The following CTNNA3 variants were observed in gnomAD, a reference collection of about 807,000 sequenced individuals.
CTNNA3 encodes the protein catenin alpha-3.
A neutral mutation model predicts 95.7 loss-of-function variants in CTNNA3; 76 were observed. That is an observed-to-expected ratio of 0.79 (90% CI 0.66 to 0.96). The LOEUF is 0.96. CTNNA3 is among the 40% of genes least tolerant of loss of function. CTNNA3 has a pLI of 0.00. For synonymous variants in CTNNA3, 431 were observed against 374.4 expected (o/e 1.15, Z -1.74); for missense variants, 1,191 against 1,089.8 (o/e 1.09, Z -1.31).
At chr10:66,115,354 T>C (rs2082284590) in intron 13 of CTNNA3, among the ~76,000 whole-genome samples, 1 of 152,324 alleles carries the variant, frequency 6.6e-6, no homozygotes, top group Admixed American at 6.5e-5. Context: ...CTGTTTTGTA[T>C]GGTCTTTTTT....
At chr10:65,981,383 G>A (rs1020745819) in intron 16 of CTNNA3, among the ~76,000 whole-genome samples, 1 of 152,004 alleles carries the variant, frequency 6.6e-6, no homozygotes, top group African/African-American at 2.4e-5. Flanking sequence ...CCATGTTCAT[G>A]GATGAGTAGA....
intron 5 of CTNNA3, among the ~76,000 whole-genome samples, chr10:67,313,038 G>A (rs1008386086): frequency 6.6e-6 from 1 of 152,072 alleles, no homozygotes; most frequent in Non-Finnish European, 1.5e-5. Flanking sequence ...GAGTGGTAAA[G>A]TAAGGAATTT....
chr10:67,608,421 T>C (rs1217412219), intron 2 of CTNNA3, among the ~76,000 whole-genome samples: 1 of 152,192 alleles, frequency 6.6e-6, no homozygotes. Flanking sequence ...TTGACTGTTT[T>C]ATCAAAGTTC....
intron 15 of CTNNA3, among the ~76,000 whole-genome samples, chr10:66,005,732 C>A (rs2078865527): frequency 6.6e-6 from 1 of 152,106 alleles, no homozygotes; most frequent in Non-Finnish European, 1.5e-5. Flanking sequence ...AAGAAGGAAA[C>A]CTCTTCTAGG....
chr10:66,290,399 A>G (rs2091661826), intron 12 of CTNNA3, among the ~76,000 whole-genome samples: 1 of 152,122 alleles, frequency 6.6e-6, no homozygotes, highest in Non-Finnish European at 1.5e-5. Context: ...TATGGTTCAT[A>G]TTACCTACTA....
chr10:67,483,438 T>G (rs374801106), intron 5 of CTNNA3, among the ~76,000 whole-genome samples: 1 of 149,434 alleles, frequency 6.7e-6, no homozygotes, highest in South Asian at 2.2e-4. Flanking sequence ...TATGCAGCCA[T>G]AAAAAATGAT....
intron 7 of CTNNA3, among the ~76,000 whole-genome samples, chr10:66,820,281 A>C (rs978703250): frequency 6.6e-6 from 1 of 152,192 alleles, no homozygotes; most frequent in African/African-American, 2.4e-5. Flanking sequence ...CAGAATAGGC[A>C]AACCTATAAA....
At chr10:67,723,403 C>T (rs1841191407) in intron 1 of CTNNA3, among the ~76,000 whole-genome samples, 1 of 151,816 alleles carries the variant, frequency 6.6e-6, no homozygotes, top group African/African-American at 2.4e-5. Context: ...GTGATCCTCC[C>T]ATCTCTGCCT....
At chr10:67,515,523 AT>A (rs1466816828) in intron 5 of CTNNA3, among the ~76,000 whole-genome samples, 2 of 152,336 alleles carry the variant, frequency 1.3e-5, no homozygotes, top group East Asian at 1.9e-4. Flanking sequence ...ATAATTCAAC[AT>A]TTTTTATACC....
intron 7 of CTNNA3, among the ~76,000 whole-genome samples, chr10:67,124,742 C>T (rs1859632983): frequency 6.6e-6 from 1 of 152,186 alleles, no homozygotes; most frequent in African/African-American, 2.4e-5. Context: ...TCAAAACTTA[C>T]TTAAATTAAT....
chr10:66,223,784 T>G (rs2089106459), intron 13 of CTNNA3, among the ~76,000 whole-genome samples: 1 of 152,222 alleles, frequency 6.6e-6, no homozygotes, highest in South Asian at 2.1e-4. Context: ...TTTCTGGTTG[T>G]GTCTTTCAGC....
chr10:66,704,142 A>G (rs1406582224), intron 9 of CTNNA3, among the ~76,000 whole-genome samples: 1 of 152,108 alleles, frequency 6.6e-6, no homozygotes, highest in Non-Finnish European at 1.5e-5. Context: ...TGTTAGCTGT[A>G]TACGGTGTTT....
chr10:66,068,548 A>T (rs984026863), intron 15 of CTNNA3, among the ~76,000 whole-genome samples: 2 of 152,180 alleles, frequency 1.3e-5, no homozygotes, highest in African/African-American at 4.8e-5. Context: ...TTGGGGTATA[A>T]ATGAATGTAC....
At position 66,369,657 on chromosome 10, in the gene CTNNA3, A is replaced by C. The variant is rs80138074; in HGVS notation, c.1732+9495T>G. 5.0e-3 allele frequency among the ~76,000 whole-genome samples: 758 copies of C among 152,304 alleles called. 6 individuals are homozygous for C. The highest frequency in any genetic ancestry group is 0.017 in the African/African-American group (698 of 41,570). On this transcript the variant is annotated intron_variant, in intron 12 of 17. Transcript: ENST00000433211. Reference sequence around the variant, plus strand: ...ATTGATTTCATTGAATAAAATATTCACATCTATTAATAAAGCTTGTAGATA... The same window carrying C: ...ATTGATTTCATTGAATAAAATATTCCCATCTATTAATAAAGCTTGTAGATA...
At chr10:66,691,451 T>G (rs997759477) in intron 9 of CTNNA3, among the ~76,000 whole-genome samples, 1 of 152,078 alleles carries the variant, frequency 6.6e-6, no homozygotes, top group Non-Finnish European at 1.5e-5. Context: ...AAACAAAGCA[T>G]CCGGGAAGCT....
chr10:66,318,556 T>G (rs1353520427), intron 12 of CTNNA3, among the ~76,000 whole-genome samples: 1 of 151,988 alleles, frequency 6.6e-6, no homozygotes, highest in Non-Finnish European at 1.5e-5. Flanking sequence ...ATGCCACATG[T>G]TTTTCCTCAT....
chr10:67,187,225 A>G (rs1447677268), intron 6 of CTNNA3, among the ~76,000 whole-genome samples: 1 of 152,158 alleles, frequency 6.6e-6, no homozygotes, highest in Admixed American at 6.5e-5. Context: ...TGCTTTTGTT[A>G]TCTTATTTAA....
At chr10:66,339,524 A>G (rs2092431333) in intron 12 of CTNNA3, among the ~76,000 whole-genome samples, 1 of 151,842 alleles carries the variant, frequency 6.6e-6, no homozygotes, top group African/African-American at 2.4e-5. Context: ...AAGCTAAAAT[A>G]AAAAGATAGA....
rs186923024 is a variant in CTNNA3 at position 65,984,176 on chromosome 10, A to C, written c.2265+4516T>G. 2.0e-3 allele frequency among the ~76,000 whole-genome samples: 305 copies of C among 151,522 alleles called. 1 individual carries two copies. Among genetic ancestry groups the C allele is most frequent in the African/African-American group, 6.9e-3 (285 of 41,534 alleles). On this transcript the variant is annotated intron_variant, in intron 16 of 17. Transcript: ENST00000433211. Reference sequence around the variant, plus strand: ...TTTTTGAAATATTAAATTGATCAAAAGAGAAAGCAACCAATGTTCCAGCAG... The same window carrying C: ...TTTTTGAAATATTAAATTGATCAAACGAGAAAGCAACCAATGTTCCAGCAG...
Sources: gnomAD v4.1 joint callset for allele counts (sites outside exome capture counted in the v4.1 genomes callset) on GRCh38, gnomAD v4.1.1 for gene constraint, MANE v1.5 for transcripts, NCBI Gene and HGNC (gene_info 2026-07-23, HGNC 2026-07-21) for gene names.